Variants in PTPRG observed in about 807,000 individuals in gnomAD.
PTPRG encodes receptor-type tyrosine-protein phosphatase gamma.
Under a neutral mutation model 165.3 loss-of-function variants are expected in PTPRG, and 102 were observed. The observed-to-expected ratio is 0.62, with a 90% CI of 0.53 to 0.73. The LOEUF is 0.73. Ranked by LOEUF, PTPRG falls within the 30% of genes least tolerant of loss-of-function variation. The pLI, the probability that PTPRG is intolerant of heterozygous loss-of-function variation, is 0.00. For missense variants in PTPRG, 1,866 were observed against 1,861.4 expected (o/e 1.00, Z -0.05); for synonymous variants, 675 against 669.5 (o/e 1.01, Z -0.13).
At position 61,947,621 on chromosome 3, in the gene PTPRG, A is replaced by G. The variant is rs370392368; in HGVS notation, c.191-42004A>G. 5.3e-5 allele frequency among the ~76,000 whole-genome samples: 8 copies of G among 152,314 alleles called. 1 individual carries two copies. Among genetic ancestry groups the G allele is most frequent in the African/African-American group, 1.9e-4 (8 of 41,572 alleles). On this transcript the variant is annotated intron_variant, in intron 2 of 29. Transcript: ENST00000474889. Reference sequence around the variant, plus strand: ...AGGAACTGATTGACTGAAGTAACTGAAAAGTCTGGGGCTGGTTCTGGCCTT... The same window carrying G: ...AGGAACTGATTGACTGAAGTAACTGGAAAGTCTGGGGCTGGTTCTGGCCTT...
At chr3:61,949,729 G>T (rs911283556) in intron 2 of PTPRG, among the ~76,000 whole-genome samples, 6 of 143,456 alleles carry the variant, frequency 4.2e-5, no homozygotes, top group Non-Finnish European at 7.7e-5. Context: ...TGGATTCTTT[G>T]TTTTTTTTTT....
At position 62,233,237 on chromosome 3, in the gene PTPRG, A is replaced by C. The variant is rs1576163329; in HGVS notation, c.2375+1926A>C. On this transcript the variant is annotated intron_variant, in intron 14 of 29. Transcript: ENST00000474889. The surrounding 1 kb of genome is among the most constrained non-coding windows in gnomAD (Gnocchi z 4.7). ...CATGTGCTATGCTAAGTACTCCATGAAAACGATATGGGCCAGATACAGATC... is the reference window on the plus strand; with the variant it reads ...CATGTGCTATGCTAAGTACTCCATGCAAACGATATGGGCCAGATACAGATC... Among the ~76,000 whole-genome samples the C allele has an allele frequency of 2.0e-5, 3 of 152,274 alleles. No homozygotes were observed. The South Asian group carries it at 6.2e-4, about 32-fold the overall frequency.
chr3:62,205,485 A>G (rs1286338181), intron 12 of PTPRG, among the ~76,000 whole-genome samples: 1 of 152,198 alleles, frequency 6.6e-6, no homozygotes, highest in East Asian at 1.9e-4. Context: ...CAGTAAACAA[A>G]TACATACCCT....
chr3:61,564,448 C>T (rs916171920), intron 1 of PTPRG, among the ~76,000 whole-genome samples: 8 of 152,194 alleles, frequency 5.3e-5, no homozygotes, highest in Non-Finnish European at 8.8e-5. Flanking sequence ...AGGGAACCAG[C>T]CTTCGTGGGG....
chr3:61,939,712 G>A (rs2107602641), intron 2 of PTPRG, among the ~76,000 whole-genome samples: 1 of 152,246 alleles, frequency 6.6e-6, no homozygotes, highest in African/African-American at 2.4e-5. Flanking sequence ...TATTTGAGAA[G>A]TAATCATTTA....
intron 3 of PTPRG, 23 bp downstream of exon 3, chr3:61,989,827 G>A: frequency 3.7e-6 from 6 of 1,611,998 alleles, no homozygotes; most frequent in Non-Finnish European, 5.1e-6. Context: ...TTCTTTATTT[G>A]TCCACAGAGC....
At chr3:61,692,066 C>T (rs1378965397) in intron 1 of PTPRG, among the ~76,000 whole-genome samples, 3 of 152,204 alleles carry the variant, frequency 2.0e-5, no homozygotes, top group Non-Finnish European at 4.4e-5. Flanking sequence ...CAGTGCTAAG[C>T]AGTGAATAGT....
intron 1 of PTPRG, among the ~76,000 whole-genome samples, chr3:61,568,187 T>G (rs1699966233): frequency 6.6e-6 from 1 of 152,214 alleles, no homozygotes; most frequent in Admixed American, 6.5e-5. Context: ...GATAAGTATA[T>G]TCCAGAAACC....
chr3:61,830,554 CTTTTTGTTTTTGTTTTTT>C (rs1252378802), intron 2 of PTPRG, among the ~76,000 whole-genome samples: 308 of 115,556 alleles, frequency 2.7e-3, no homozygotes, highest in African/African-American at 8.7e-3. Context: ...GGTGATGGTT[CTTTTTGTTTTTGTTTTTT>C]TTTTTTTTTT....
At chr3:61,734,320 A>T (rs1575618233) in intron 1 of PTPRG, among the ~76,000 whole-genome samples, 2 of 152,194 alleles carry the variant, frequency 1.3e-5, no homozygotes, top group South Asian at 2.1e-4. Context: ...CAAAGAATAG[A>T]TTAACCAGAA....
intron 2 of PTPRG, among the ~76,000 whole-genome samples, chr3:61,979,931 CT>C (rs796877871): frequency 6.4e-4 from 94 of 146,850 alleles, no homozygotes; most frequent in African/African-American, 1.0e-3. Flanking sequence ...CTTTTAATTT[CT>C]TTTTTTTTTT....
At chr3:61,746,438 ATTTT>A (rs926171055) in intron 1 of PTPRG, among the ~76,000 whole-genome samples, 1 of 151,428 alleles carries the variant, frequency 6.6e-6, no homozygotes, top group African/African-American at 2.4e-5. Context: ...ACACGCGCTA[ATTTT>A]TTTATTTTTT....
In PTPRG at chr3:62,141,016, C is replaced by T. The variant is rs572963614; in HGVS notation, c.682+8348C>T. Among the ~76,000 whole-genome samples, 3 of 152,008 alleles carry T rather than the reference C, an allele frequency of 2.0e-5. No homozygotes were observed. The South Asian group carries it at 6.2e-4, about 32-fold the overall frequency. ...TCCATGCTGTCCCCTTAGATTTCTG[C>T]ATTTGAGTGTTTGAAAATTAAAGAA... On this transcript the variant is annotated intron_variant, in intron 6 of 29. Coordinates refer to ENST00000474889, the MANE Select transcript of PTPRG (RefSeq NM_002841.4).
chr3:62,092,412 C>T (rs1238961576), intron 5 of PTPRG, among the ~76,000 whole-genome samples: 2 of 129,304 alleles, frequency 1.5e-5, no homozygotes, highest in Admixed American at 1.8e-4. Flanking sequence ...TGCACTCCAA[C>T]CTGGGCAACA....
chr3:61,801,149 T>C (rs1022224544), intron 2 of PTPRG, among the ~76,000 whole-genome samples: 2 of 151,996 alleles, frequency 1.3e-5, no homozygotes, highest in Non-Finnish European at 2.9e-5. Flanking sequence ...GGGGAGTGCT[T>C]GTGAGGTGGG....
At chr3:61,594,630 C>G (rs538268025) in intron 1 of PTPRG, among the ~76,000 whole-genome samples, 1 of 152,150 alleles carries the variant, frequency 6.6e-6, no homozygotes, top group East Asian at 1.9e-4. Context: ...TAGACTGTTA[C>G]TCATTTGGCA....
intron 4 of PTPRG, among the ~76,000 whole-genome samples, chr3:62,015,574 T>C (rs1322763630): frequency 6.6e-6 from 1 of 152,228 alleles, no homozygotes; most frequent in Non-Finnish European, 1.5e-5. Flanking sequence ...ACTCCTGGGC[T>C]AATGCAATCG....
At chr3:61,626,046 T>G (rs1701600677) in intron 1 of PTPRG, among the ~76,000 whole-genome samples, 1 of 151,346 alleles carries the variant, frequency 6.6e-6, no homozygotes, top group African/African-American at 2.4e-5. Context: ...GAGATCACTT[T>G]TAGGCGACAT....
intron 2 of PTPRG, among the ~76,000 whole-genome samples, chr3:61,914,517 A>G (rs536034305): frequency 1.4e-4 from 21 of 152,326 alleles, no homozygotes; most frequent in East Asian, 7.7e-4. Context: ...ATACTTGCCT[A>G]TGTCCTTGTT....
Sources: allele counts gnomAD v4.1 joint callset (sites outside exome capture counted in the v4.1 genomes callset), GRCh38; gene constraint gnomAD v4.1.1; non-coding constraint Gnocchi (gnomAD v3.1); transcripts MANE v1.5; gene names NCBI Gene and HGNC (gene_info 2026-07-23, HGNC 2026-07-21).